The following SDK2 variants were observed in gnomAD, a reference collection of about 807,000 sequenced individuals.
SDK2 encodes sidekick cell adhesion molecule 2.
In SDK2, 105 loss-of-function variants were observed where a neutral mutation model predicts 253.9. The ratio of observed to expected loss-of-function variants is 0.41; its 90% CI spans 0.35 to 0.49. The LOEUF is 0.49. Among genes scored for constraint, SDK2 ranks in the 20% least tolerant of loss-of-function variants. SDK2 has a pLI of 0.06. For missense variants in SDK2, 2,608 were observed against 3,003.0 expected, an observed-to-expected ratio of 0.87 and a Z score of 3.07; for synonymous variants, 1,249 against 1,234.9, an observed-to-expected ratio of 1.01 and a Z score of -0.24.
intron 8 of SDK2, among the ~76,000 whole-genome samples, chr17:73,437,042 T>G (rs1404757308): frequency 6.6e-6 from 1 of 152,258 alleles, no homozygotes; most frequent in East Asian, 1.9e-4. Context: ...CAAAAAATAT[T>G]TGCTGCCTGA....
rs1260507858 is a variant in SDK2 at position 73,639,670 on chromosome 17, A to T, written c.64+4355T>A. 6.6e-6 allele frequency among the ~76,000 whole-genome samples: 1 copy of T among 152,048 alleles called. No homozygotes were observed. The highest frequency in any genetic ancestry group is 1.5e-5 in the Non-Finnish European group (1 of 67,984). On this transcript the variant is annotated intron_variant, in intron 1 of 44. Coordinates refer to ENST00000392650, the MANE Select transcript of SDK2 (RefSeq NM_001144952.2). This position sits in a 1 kb window ranked among gnomAD's most constrained non-coding sequence, Gnocchi z 4.3. ...AGGGCGCACACTAACACCCGACATCAATTCCAACTCAGCCTCCTGCCTCCC... is the reference window on the plus strand; with the variant it reads ...AGGGCGCACACTAACACCCGACATCTATTCCAACTCAGCCTCCTGCCTCCC...
rs1323834138 is a variant in SDK2 at position 73,430,527 on chromosome 17, G to T, written c.1567C>A (p.Pro523Thr). 1.2e-6 allele frequency: 2 copies of T among 1,608,396 alleles called. No individual in the cohort carries two copies. Among genetic ancestry groups the T allele is most frequent in the Non-Finnish European group, 8.5e-7 (1 of 1,177,192 alleles). The change falls in exon 12 of 45, where the codon CCC becomes ACC. Residue 523 changes from proline (P) to threonine (T), a missense_variant. Physicochemically the swap from Pro to Thr is conservative, Grantham distance 38. Transcript: ENST00000392650. ...ASMVCGVTHD[P>T]RVTIRYIWEK... ...AGCCAGTACCTGATGGTTACTCGGG[G>T]GTCGTGGGTCACTCCGCACACCATG...
intron 1 of SDK2, among the ~76,000 whole-genome samples, chr17:73,598,222 G>A (rs1159073391): frequency 2.6e-5 from 4 of 152,186 alleles, no homozygotes; most frequent in Non-Finnish European, 5.9e-5. Context: ...ACAGGTGACA[G>A]GAGTAGGCCG....
intron 1 of SDK2, among the ~76,000 whole-genome samples, chr17:73,584,826 G>T (rs1234374794): frequency 6.6e-6 from 1 of 152,222 alleles, no homozygotes; most frequent in East Asian, 1.9e-4. Context: ...TGCCTCTCCT[G>T]CCACCACATC....
At chr17:73,391,850 G>C (rs1056766228) in intron 27 of SDK2, among the ~76,000 whole-genome samples, 9 of 152,248 alleles carry the variant, frequency 5.9e-5, no homozygotes, top group Non-Finnish European at 8.8e-5. Context: ...GTGGGCCCTG[G>C]ATGGATGCGT....
chr17:73,523,289 T>G (rs577721092), intron 1 of SDK2, among the ~76,000 whole-genome samples: 4 of 152,024 alleles, frequency 2.6e-5, no homozygotes, highest in East Asian at 3.9e-4. Context: ...GAGACCAAGC[T>G]TCCCCTCTTG....
In SDK2 at chr17:73,431,481, C is replaced by T. The variant is rs764413908; in HGVS notation, c.1480+21G>A. The T allele has an allele frequency of 1.6e-5, 25 of 1,603,290 alleles. No individual in the cohort carries two copies. The highest frequency in any genetic ancestry group is 2.7e-5 in the African/African-American group (2 of 74,330). On this transcript the variant is annotated intron_variant, in intron 11 of 44. Coordinates refer to ENST00000392650, the MANE Select transcript of SDK2 (RefSeq NM_001144952.2). The surrounding 1 kb of genome is among the most constrained non-coding windows in gnomAD (Gnocchi z 5.6). ...ACACGCACACACAAATGTATAAAGCCCTGTGGCTCTGCACACTCACCCCAA... is the reference window on the plus strand; with the variant it reads ...ACACGCACACACAAATGTATAAAGCTCTGTGGCTCTGCACACTCACCCCAA...
At chr17:73,401,923 G>T in intron 19 of SDK2, 23 bp downstream of exon 19, 1 of 1,561,140 alleles carries the variant, frequency 6.4e-7, no homozygotes, top group African/African-American at 1.3e-5. Flanking sequence ...GGGGCAGAAA[G>T]AGCAGGGCTG....
intron 28 of SDK2, 41 bp downstream of exon 28, chr17:73,391,399 C>T (rs773505322): frequency 1.1e-4 from 128 of 1,193,898 alleles, no homozygotes; most frequent in South Asian, 7.2e-4. Flanking sequence ...ATGCCTCTTC[C>T]TTCTTCCTGC....
At chr17:73,635,404 A>C (rs2046317992) in intron 1 of SDK2, among the ~76,000 whole-genome samples, 1 of 151,864 alleles carries the variant, frequency 6.6e-6, no homozygotes, top group Non-Finnish European at 1.5e-5. Context: ...TTCATAATTA[A>C]CTCACATTAT....
At chr17:73,479,153 C>T (rs1022759591) in intron 2 of SDK2, among the ~76,000 whole-genome samples, 1 of 152,254 alleles carries the variant, frequency 6.6e-6, no homozygotes, top group African/African-American at 2.4e-5. Flanking sequence ...GTCATCATGT[C>T]CACTGGGGGG....
intron 1 of SDK2, among the ~76,000 whole-genome samples, chr17:73,577,769 T>C (rs1016778827): frequency 6.6e-6 from 1 of 152,184 alleles, no homozygotes; most frequent in Non-Finnish European, 1.5e-5. Context: ...TTGTCTGTGG[T>C]CAGCAGAATG....
At chr17:73,349,451 C>T (rs1479534617) in intron 43 of SDK2, among the ~76,000 whole-genome samples, 2 of 152,228 alleles carry the variant, frequency 1.3e-5, no homozygotes, top group Non-Finnish European at 2.9e-5. Flanking sequence ...GACAGGAGCC[C>T]TCTGGCCCAG....
intron 1 of SDK2, among the ~76,000 whole-genome samples, chr17:73,527,610 T>G (rs959332129): frequency 2.0e-5 from 3 of 152,204 alleles, no homozygotes; most frequent in Admixed American, 2.0e-4. Context: ...TCCAGGGCTC[T>G]ATCCTAATGC....
At position 73,467,103 on chromosome 17, in the gene SDK2, A is replaced by C. The variant is rs976191465; in HGVS notation, c.331+5009T>G. Among the ~76,000 whole-genome samples, 1 of 151,734 alleles carries C rather than the reference A, an allele frequency of 6.6e-6. No homozygotes were observed. ...CGATGTGATTGGTAGAGTCTACCCCACCCCACCCGCTGGCACTAGACATTC... is the reference window on the plus strand; with the variant it reads ...CGATGTGATTGGTAGAGTCTACCCCCCCCCACCCGCTGGCACTAGACATTC... On this transcript the variant is annotated intron_variant, in intron 3 of 44. Coordinates refer to ENST00000392650, the MANE Select transcript of SDK2 (RefSeq NM_001144952.2). This position sits in a 1 kb window ranked among gnomAD's most constrained non-coding sequence, Gnocchi z 4.1.
intron 13 of SDK2, 103 bp from the exon 14 acceptor site, chr17:73,423,625 G>T (rs913133572): frequency 2.7e-5 from 35 of 1,289,128 alleles, no homozygotes; most frequent in Non-Finnish European, 3.5e-5. Flanking sequence ...CCATGATACC[G>T]CATGCTTAGA....
At position 73,467,558 on chromosome 17, in the gene SDK2, G is replaced by A. The variant is rs1413519104; in HGVS notation, c.331+4554C>T. 6.6e-6 allele frequency among the ~76,000 whole-genome samples: 1 copy of A among 152,134 alleles called. No individual in the cohort carries two copies. The highest frequency in any genetic ancestry group is 1.5e-5 in the Non-Finnish European group (1 of 68,016). ...CCCAGAATCCCAGGGAAGTGGGGCT[G>A]GGACAGAGGATTCTTCAGCTTCTAC... On this transcript the variant is annotated intron_variant, in intron 3 of 44. Transcript: ENST00000392650. The surrounding 1 kb of genome is among the most constrained non-coding windows in gnomAD (Gnocchi z 4.1).
intron 1 of SDK2, among the ~76,000 whole-genome samples, chr17:73,539,946 GC>G (rs2044839714): frequency 6.6e-6 from 1 of 151,218 alleles, no homozygotes; most frequent in African/African-American, 2.4e-5. Flanking sequence ...AGGATGGGCA[GC>G]CCCCACCAGA....
At chr17:73,542,331 A>T (rs1269770282) in intron 1 of SDK2, among the ~76,000 whole-genome samples, 1 of 152,134 alleles carries the variant, frequency 6.6e-6, no homozygotes, top group African/African-American at 2.4e-5. Flanking sequence ...TGCTCCTGTG[A>T]TGGAGGGGGT....
Sources: gnomAD v4.1 joint callset for allele counts (sites outside exome capture counted in the v4.1 genomes callset) on GRCh38, gnomAD v4.1.1 for gene constraint, Gnocchi (gnomAD v3.1) non-coding constraint, MANE v1.5 for transcripts, NCBI Gene and HGNC (gene_info 2026-07-23, HGNC 2026-07-21) for gene names.